CCDC91: variants seen among roughly 807,000 people sequenced by gnomAD.
The protein encoded by CCDC91 is coiled-coil domain-containing protein 91.
CCDC91 carries 48 observed loss-of-function variants against 63.2 expected under a neutral mutation model. That is an observed-to-expected ratio of 0.76 (90% CI 0.60 to 0.97). The LOEUF is 0.97. Ranked by LOEUF, CCDC91 falls within the 50% of genes least tolerant of loss-of-function variation. The pLI, the probability that CCDC91 is intolerant of heterozygous loss-of-function variation, is 0.00. For missense variants in CCDC91, 500 were observed against 494.6 expected, an observed-to-expected ratio of 1.01 and a Z score of -0.10; for synonymous variants, 167 against 165.8, an observed-to-expected ratio of 1.01 and a Z score of -0.06.
At chr12:28,345,881 C>CA (rs2138111421) in intron 6 of CCDC91, among the ~76,000 whole-genome samples, 1 of 152,186 alleles carries the variant, frequency 6.6e-6, no homozygotes, top group South Asian at 2.1e-4. Flanking sequence ...TCAGTCTTTA[C>CA]AGTATAATGG....
intron 7 of CCDC91, among the ~76,000 whole-genome samples, chr12:28,370,173 A>G (rs1944525705): frequency 6.6e-6 from 1 of 152,158 alleles, no homozygotes; most frequent in Non-Finnish European, 1.5e-5. Flanking sequence ...AAACTTTTAT[A>G]TTCTGCTTCC....
At chr12:28,380,038 G>A (rs752412677) in intron 7 of CCDC91, among the ~76,000 whole-genome samples, 3 of 152,134 alleles carry the variant, frequency 2.0e-5, no homozygotes, top group East Asian at 1.9e-4. Flanking sequence ...CGTGGATGAA[G>A]CTGGAAACCA....
At chr12:28,209,652 A>G (rs1435688886) in intron 1 of CCDC91, among the ~76,000 whole-genome samples, 1 of 152,032 alleles carries the variant, frequency 6.6e-6, no homozygotes, top group East Asian at 1.9e-4. Flanking sequence ...GCTGGTCTTG[A>G]TCTCCTGACC....
chr12:28,467,071 T>C (rs1003431550), intron 11 of CCDC91, among the ~76,000 whole-genome samples: 1 of 152,156 alleles, frequency 6.6e-6, no homozygotes, highest in African/African-American at 2.4e-5. Context: ...AAGAGGAGAC[T>C]ACAAAACAAC....
chr12:28,400,247 G>A (rs978113549), intron 8 of CCDC91, among the ~76,000 whole-genome samples: 1 of 152,188 alleles, frequency 6.6e-6, no homozygotes, highest in African/African-American at 2.4e-5. Context: ...TGCACCTTCT[G>A]AAGCAATAGC....
Position 28,265,590 on chromosome 12 carries a change from C to T in CCDC91, c.109+6148C>T, listed in dbSNP as rs183140569. On this transcript the variant is annotated intron_variant, in intron 3 of 12. Coordinates refer to ENST00000536442, the MANE Select transcript of CCDC91 (RefSeq NM_018318.5). The stretch of plus-strand genomic sequence containing the variant: ...TCCAGGAAAACCTAGGACAACAGAT[C>T]GGTCATTTTATTAATATCCCATTAC... Among the ~76,000 whole-genome samples, 158 of 151,488 alleles carry T rather than the reference C, an allele frequency of 1.0e-3. 1 individual carries two copies. The highest frequency in any genetic ancestry group is 3.4e-3 in the African/African-American group (142 of 41,404).
chr12:28,497,486 C>T (rs1952367343), intron 12 of CCDC91, among the ~76,000 whole-genome samples: 1 of 151,430 alleles, frequency 6.6e-6, no homozygotes, highest in South Asian at 2.1e-4. Flanking sequence ...AAGGTTGTGG[C>T]TCGGGACATT....
At chr12:28,455,882 A>G (rs1950035068) in intron 11 of CCDC91, among the ~76,000 whole-genome samples, 1 of 152,130 alleles carries the variant, frequency 6.6e-6, no homozygotes, top group African/African-American at 2.4e-5. Context: ...CCATTGTTAC[A>G]GATGGGGAGA....
chr12:28,231,260 A>G (rs1944578089), intron 1 of CCDC91, among the ~76,000 whole-genome samples: 1 of 152,242 alleles, frequency 6.6e-6, no homozygotes, highest in African/African-American at 2.4e-5. Flanking sequence ...TAGCATTTAC[A>G]TGCCAGGTAA....
intron 10 of CCDC91, among the ~76,000 whole-genome samples, chr12:28,450,762 T>C (rs1209582197): frequency 2.0e-5 from 3 of 151,782 alleles, no homozygotes; most frequent in Non-Finnish European, 3.0e-5. Flanking sequence ...AAGCCAAGTT[T>C]AAAATAACTC....
intron 6 of CCDC91, among the ~76,000 whole-genome samples, chr12:28,315,053 A>G (rs868305742): frequency 3.9e-5 from 6 of 151,986 alleles, no homozygotes; most frequent in Admixed American, 3.9e-4. Flanking sequence ...TCATTAAAAC[A>G]TGTCTATATA....
chr12:28,426,262 T>C (rs1242410190), intron 8 of CCDC91, among the ~76,000 whole-genome samples: 2 of 152,174 alleles, frequency 1.3e-5, no homozygotes, highest in Non-Finnish European at 2.9e-5. Context: ...TTGTGTAGTT[T>C]GAATATAATA....
intron 12 of CCDC91, among the ~76,000 whole-genome samples, chr12:28,495,565 A>G (rs1425802957): frequency 2.0e-5 from 3 of 151,708 alleles, no homozygotes; most frequent in African/African-American, 4.8e-5. Flanking sequence ...GTAGCCCACC[A>G]GCATTCGTAG....
rs117690141 is a variant in CCDC91, at chr12:28,549,201, T to C, written c.*28T>C. 1.0e-3 allele frequency: 1,252 copies of C among 1,235,922 alleles called. 4 individuals are homozygous for C. Among genetic ancestry groups the C allele is most frequent in the Non-Finnish European group, 1.4e-3 (1,139 of 836,656 alleles). 76.6% of individuals were successfully genotyped at this position (1,235,922 alleles called of 1,614,324 possible). ...AGAACATGACAAACCCACACTGGCATTGGATAAATCATATTACACCTTCAA... is the reference window on the plus strand; with the variant it reads ...AGAACATGACAAACCCACACTGGCACTGGATAAATCATATTACACCTTCAA... On this transcript the variant is annotated 3_prime_UTR_variant, in exon 13 of 13. Coordinates refer to ENST00000536442, the MANE Select transcript of CCDC91 (RefSeq NM_018318.5).
chr12:28,550,078 TTTATC>T lies in CCDC91; in HGVS notation c.*910_*914del, dbSNP rs1481580313. The stretch of plus-strand genomic sequence containing the variant: ...CATTAATATGTATGTATGCAAATGT[TTTATC>T]TTATTTTCTGAAATGCATCTACTTT... On this transcript the variant is annotated 3_prime_UTR_variant, in exon 13 of 13. Coordinates refer to ENST00000536442, the MANE Select transcript of CCDC91 (RefSeq NM_018318.5). 5.9e-5 allele frequency: 9 copies of T among 152,520 alleles called. No homozygotes were observed. Among genetic ancestry groups the T allele is most frequent in the Admixed American group, 2.0e-4 (3 of 15,252 alleles). 9.4% of individuals were successfully genotyped at this position (152,520 alleles called of 1,614,324 possible).
chr12:28,448,717 T>C (rs1949656275), intron 8 of CCDC91, among the ~76,000 whole-genome samples: 1 of 152,112 alleles, frequency 6.6e-6, no homozygotes, highest in African/African-American at 2.4e-5. Context: ...TTATTCTGTA[T>C]TTTAATTCTA....
At chr12:28,454,226 A>G (rs1241785531) in intron 11 of CCDC91, among the ~76,000 whole-genome samples, 1 of 151,736 alleles carries the variant, frequency 6.6e-6, no homozygotes, top group East Asian at 1.9e-4. Context: ...ATTTTTCTTG[A>G]CTCTATATGT....
intron 1 of CCDC91, among the ~76,000 whole-genome samples, chr12:28,196,524 G>A (rs1432227700): frequency 6.6e-6 from 1 of 152,174 alleles, no homozygotes; most frequent in Non-Finnish European, 1.5e-5. Flanking sequence ...TCCTTGCATT[G>A]CTCTTCATCT....
At chr12:28,230,412 G>A (rs1266885597) in intron 1 of CCDC91, among the ~76,000 whole-genome samples, 1 of 152,072 alleles carries the variant, frequency 6.6e-6, no homozygotes, top group Non-Finnish European at 1.5e-5. Context: ...TTAAATAGTG[G>A]TATTTACTAG....
Sources: gnomAD v4.1 joint callset for allele counts (sites outside exome capture counted in the v4.1 genomes callset) on GRCh38, gnomAD v4.1.1 for gene constraint, MANE v1.5 for transcripts, NCBI Gene and HGNC (gene_info 2026-07-23, HGNC 2026-07-21) for gene names.